The following CD2AP variants were observed in gnomAD, a reference collection of about 807,000 sequenced individuals.
CD2AP encodes the protein CD2-associated protein.
A neutral mutation model predicts 85.1 loss-of-function variants in CD2AP; 46 were observed. The observed-to-expected ratio is 0.54, with a 90% confidence interval of 0.43 to 0.69. CD2AP has a LOEUF of 0.69. CD2AP is among the 30% of genes least tolerant of loss of function. CD2AP has a pLI of 0.00. For synonymous variants in CD2AP, 255 were observed against 252.9 expected (o/e 1.01, Z -0.08); for missense variants, 769 against 729.5 (o/e 1.05, Z -0.62).
At chr6:47,608,581 C>G (rs567387159) in intron 15 of CD2AP, among the ~76,000 whole-genome samples, 2 of 152,254 alleles carry the variant, frequency 1.3e-5, no homozygotes, top group South Asian at 4.1e-4. Flanking sequence ...GTCAGCGTTT[C>G]CAATTTATTA....
At chr6:47,560,197 ATC>A in intron 5 of CD2AP, among the ~76,000 whole-genome samples, 1 of 152,172 alleles carries the variant, frequency 6.6e-6, no homozygotes, top group East Asian at 2.0e-4. Flanking sequence ...TTGCTAACTT[ATC>A]ATTCACCTTC....
rs751278706 is a variant in CD2AP, at chr6:47,503,272, T to A, written c.5-8T>A. 6.2e-7 allele frequency: 1 copy of A among 1,611,776 alleles called. No individual in the cohort carries two copies. The highest frequency in any genetic ancestry group is 8.5e-7 in the Non-Finnish European group (1 of 1,178,256). ...TTTTAGACATTTCGTTTTTTCCCCC[T>A]TTTTTAGTTGACTATATTGTGGAGT... On this transcript the variant is annotated splice_region_variant and splice_polypyrimidine_tract_variant and intron_variant, in intron 1 of 17. Transcript: ENST00000359314.
At chr6:47,502,077 A>T (rs1766011088) in intron 1 of CD2AP, among the ~76,000 whole-genome samples, 1 of 152,140 alleles carries the variant, frequency 6.6e-6, no homozygotes, top group Non-Finnish European at 1.5e-5. Flanking sequence ...GTCTGCTTCC[A>T]AGCTCATGTG....
chr6:47,509,376 C>A (rs529646186), intron 2 of CD2AP, among the ~76,000 whole-genome samples: 233 of 151,884 alleles, frequency 1.5e-3, no homozygotes, highest in African/African-American at 5.4e-3. Context: ...GGAGCCCATG[C>A]CGTTGGAAAA....
At chr6:47,561,059 T>C (rs1452926196) in intron 5 of CD2AP, among the ~76,000 whole-genome samples, 1 of 152,232 alleles carries the variant, frequency 6.6e-6, no homozygotes, top group East Asian at 1.9e-4. Context: ...CAGTATTATT[T>C]ATTTTGATAA....
At chr6:47,620,512 C>T (rs1769714992) in intron 17 of CD2AP, among the ~76,000 whole-genome samples, 1 of 152,026 alleles carries the variant, frequency 6.6e-6, no homozygotes, top group Non-Finnish European at 1.5e-5. Flanking sequence ...TTTCCTTAGT[C>T]TTGCTTTGGC....
intron 6 of CD2AP, 47 bp from the exon 7 acceptor site, chr6:47,576,477 T>C (rs762745837): frequency 1.6e-6 from 2 of 1,239,250 alleles, no homozygotes; most frequent in South Asian, 1.2e-5. Flanking sequence ...AACAGTATTA[T>C]CTTTATTCTA....
At chr6:47,622,063 T>TA in intron 17 of CD2AP, among the ~76,000 whole-genome samples, 1 of 151,950 alleles carries the variant, frequency 6.6e-6, no homozygotes, top group Non-Finnish European at 1.5e-5. Flanking sequence ...GTCACTGGAG[T>TA]TGTGTAGCTA....
rs910899701 is a variant in CD2AP at position 47,625,950 on chromosome 6, T to C, written c.*1723T>C. ...AAATAGAATAGGTTTAAATGACTAG[T>C]CAAATGAATTATTTTCTTCTTGTTA... On this transcript the variant is annotated 3_prime_UTR_variant, in exon 18 of 18. Transcript: ENST00000359314. 6 of 151,890 alleles carry C rather than the reference T, an allele frequency of 4.0e-5. No homozygotes were observed. The highest frequency in any genetic ancestry group is 1.3e-4 in the Admixed American group (2 of 15,248). 9.4% of individuals were successfully genotyped at this position (151,890 alleles called of 1,614,324 possible).
intron 5 of CD2AP, among the ~76,000 whole-genome samples, chr6:47,572,577 C>T (rs1768187703): frequency 6.6e-6 from 1 of 152,136 alleles, no homozygotes; most frequent in Admixed American, 6.5e-5. Flanking sequence ...ATGGTCATTT[C>T]GATAGATGCA....
chr6:47,549,948 A>C (rs1767468759), intron 4 of CD2AP, among the ~76,000 whole-genome samples: 1 of 152,206 alleles, frequency 6.6e-6, no homozygotes, highest in Non-Finnish European at 1.5e-5. Context: ...AAACAAAAAC[A>C]AAAAGTGGGG....
At chr6:47,592,243 G>A (rs1357211647) in intron 11 of CD2AP, among the ~76,000 whole-genome samples, 1 of 151,676 alleles carries the variant, frequency 6.6e-6, no homozygotes, top group Non-Finnish European at 1.5e-5. Flanking sequence ...ATTTTCTCTT[G>A]GATTTGGCAA....
In CD2AP at chr6:47,497,321, C is replaced by CTTTCA. The variant is rs747341287; in HGVS notation, c.5-5955_5-5954insATTTC. On this transcript the variant is annotated intron_variant, in intron 1 of 17. Coordinates refer to ENST00000359314, the MANE Select transcript of CD2AP (RefSeq NM_012120.3). ...CCCGTTCCCTTTTTCCTTTCCTTTC[C>CTTTCA]TTTCCTTTCCTTTCCCTTCCCTTCC... 1.1e-4 allele frequency among the ~76,000 whole-genome samples: 15 copies of CTTTCA among 141,350 alleles called. 1 individual carries two copies. Among genetic ancestry groups the CTTTCA allele is most frequent in the South Asian group, 2.3e-4 (1 of 4,314 alleles). 92.7% of individuals were successfully genotyped at this position (141,350 alleles called of 152,430 possible).
chr6:47,488,863 C>G (rs542352347), intron 1 of CD2AP, among the ~76,000 whole-genome samples: 1 of 152,046 alleles, frequency 6.6e-6, no homozygotes, highest in African/African-American at 2.4e-5. Flanking sequence ...TGCACTCCAG[C>G]CTGTGCAACT....
At chr6:47,615,959 AT>A (rs1769572471) in intron 17 of CD2AP, among the ~76,000 whole-genome samples, 1 of 149,932 alleles carries the variant, frequency 6.7e-6, no homozygotes, top group Non-Finnish European at 1.5e-5. Context: ...TTATTTTTGT[AT>A]TTTTAGTAGA....
chr6:47,518,079 T>C lies in CD2AP; in HGVS notation c.165+14639T>C, dbSNP rs552316307. On this transcript the variant is annotated intron_variant, in intron 2 of 17. Coordinates refer to ENST00000359314, the MANE Select transcript of CD2AP (RefSeq NM_012120.3). ...GTTGTTGGGGGAGGTTCTGAGTGTG[T>C]GTCTTTAAGTGTGTTTATATGTGTA... 1.1e-4 allele frequency among the ~76,000 whole-genome samples: 17 copies of C among 152,324 alleles called. No individual in the cohort carries two copies. The East Asian group carries it at 3.3e-3, about 29-fold the overall frequency.
chr6:47,518,198 T>TA (rs1223007764), intron 2 of CD2AP, among the ~76,000 whole-genome samples: 1 of 152,154 alleles, frequency 6.6e-6, no homozygotes, highest in East Asian at 1.9e-4. Context: ...GATATGAATT[T>TA]AAAAAATCAG....
chr6:47,491,160 C>A (rs1055695627), intron 1 of CD2AP, among the ~76,000 whole-genome samples: 1 of 151,716 alleles, frequency 6.6e-6, no homozygotes, highest in African/African-American at 2.4e-5. Context: ...ATAAATATTT[C>A]GTTCTGGGAA....
intron 14 of CD2AP, among the ~76,000 whole-genome samples, chr6:47,606,639 A>G (rs1386697828): frequency 7.2e-6 from 1 of 139,458 alleles, no homozygotes; most frequent in Non-Finnish European, 1.6e-5. Flanking sequence ...TGAAATATTC[A>G]GTGTTTTTTT....
Sources: allele counts gnomAD v4.1 joint callset (sites outside exome capture counted in the v4.1 genomes callset), GRCh38; gene constraint gnomAD v4.1.1; transcripts MANE v1.5; gene names NCBI Gene and HGNC (gene_info 2026-07-23, HGNC 2026-07-21).